LDAH: variants seen among roughly 807,000 people sequenced by gnomAD.
The protein encoded by LDAH is lipid droplet-associated hydrolase.
In LDAH, 26 loss-of-function variants were observed where a neutral mutation model predicts 29.6. The observed-to-expected ratio is 0.88, with a 90% CI of 0.64 to 1.22. The LOEUF (loss-of-function observed/expected upper bound fraction) is 1.22. Ranked by LOEUF, LDAH falls within the 50% of genes most tolerant of loss-of-function variation. The pLI is 0.00. For synonymous variants in LDAH, 117 were observed against 133.0 expected (o/e 0.88, Z 0.83); for missense variants, 344 against 387.3 (o/e 0.89, Z 0.94).
At position 20,773,647 on chromosome 2, in the gene LDAH, C is replaced by T. The variant is rs988274741; in HGVS notation, c.468+1163G>A. 2.6e-5 allele frequency among the ~76,000 whole-genome samples: 4 copies of T among 152,180 alleles called. No homozygotes were observed. The East Asian group carries it at 7.7e-4, about 29-fold the overall frequency. ...GAAATGAAAAACATATTTTCTTATA[C>T]CCAATAATAATTTAAAACCTCCATT... On this transcript the variant is annotated intron_variant, in intron 4 of 6. Transcript: ENST00000237822.
At chr2:20,687,826 G>A (rs1008288522) in intron 6 of LDAH, among the ~76,000 whole-genome samples, 3 of 152,154 alleles carry the variant, frequency 2.0e-5, no homozygotes, top group Non-Finnish European at 2.9e-5. Flanking sequence ...TTCTAGTTCT[G>A]TTAGTTCTAA....
At chr2:20,773,906 C>A (rs1171380884) in intron 4 of LDAH, among the ~76,000 whole-genome samples, 1 of 152,156 alleles carries the variant, frequency 6.6e-6, no homozygotes, top group East Asian at 1.9e-4. Context: ...TTTACCAGCA[C>A]TCCATGCTCC....
chr2:20,777,314 A>G (rs552856887), intron 3 of LDAH, among the ~76,000 whole-genome samples: 122 of 152,350 alleles, frequency 8.0e-4, no homozygotes, highest in African/African-American at 2.9e-3. Flanking sequence ...GTAGATTTTC[A>G]AGAACACAGT....
intron 5 of LDAH, among the ~76,000 whole-genome samples, chr2:20,731,289 T>C (rs1436812161): frequency 6.6e-6 from 1 of 152,208 alleles, no homozygotes; most frequent in Admixed American, 6.5e-5. Flanking sequence ...GGTGCTGTTA[T>C]AGAAATAATG....
intron 1 of LDAH, among the ~76,000 whole-genome samples, chr2:20,802,064 C>T (rs970285083): frequency 6.6e-6 from 1 of 150,986 alleles, no homozygotes. Flanking sequence ...TATACACACA[C>T]AATATACATG....
intron 5 of LDAH, among the ~76,000 whole-genome samples, chr2:20,716,673 C>T (rs1665217005): frequency 6.7e-6 from 1 of 148,206 alleles, no homozygotes; most frequent in East Asian, 2.0e-4. Context: ...ACATGTATAC[C>T]TATGTAACAA....
At chr2:20,706,105 C>T (rs1368882073) in intron 5 of LDAH, among the ~76,000 whole-genome samples, 1 of 152,054 alleles carries the variant, frequency 6.6e-6, no homozygotes, top group Admixed American at 6.5e-5. Context: ...CCTTACTGAG[C>T]AGTGAAGTTC....
Position 20,740,150 on chromosome 2 carries a change from T to C in LDAH, c.524A>G (p.Asn175Ser), listed in dbSNP as rs773676200. ...PTIERMSESP[N>S]GRIATPLLCW... ...CAAAAGTGGAGTGGCAATTCTGCCA[T>C]TGGGTGACTCAGACATTCGTTCAAT... The change falls in exon 5 of 7, where the codon AAT becomes AGT. Residue 175 changes from asparagine to serine, a missense_variant. By Grantham distance (46) the Asn-to-Ser change is conservative. Transcript: ENST00000237822. The C allele has an allele frequency of 1.9e-6, 3 of 1,613,964 alleles. No homozygotes were observed. Among genetic ancestry groups the C allele is most frequent in the East Asian group, 2.2e-5 (1 of 44,886 alleles).
At chr2:20,704,826 T>G (rs566869472) in intron 5 of LDAH, among the ~76,000 whole-genome samples, 1 of 152,382 alleles carries the variant, frequency 6.6e-6, no homozygotes, top group African/African-American at 2.4e-5. Flanking sequence ...ATGAAAATTC[T>G]TTCTTCAAAA....
At chr2:20,751,063 C>G (rs1365698005) in intron 4 of LDAH, among the ~76,000 whole-genome samples, 2 of 152,212 alleles carry the variant, frequency 1.3e-5, no homozygotes, top group Non-Finnish European at 2.9e-5. Context: ...ACCTGGGTCA[C>G]AGGATCTGTA....
chr2:20,754,728 A>T (rs1164812797), intron 4 of LDAH, among the ~76,000 whole-genome samples: 1 of 152,142 alleles, frequency 6.6e-6, no homozygotes, highest in Non-Finnish European at 1.5e-5. Flanking sequence ...AGGAAACATG[A>T]GACAAATACA....
intron 1 of LDAH, among the ~76,000 whole-genome samples, chr2:20,811,019 CTTTTT>C (rs1205753675): frequency 7.2e-6 from 1 of 138,892 alleles, no homozygotes. Flanking sequence ...ATTCGACCTT[CTTTTT>C]TTTTTTTTTT....
chr2:20,776,246 G>A, intron 3 of LDAH, among the ~76,000 whole-genome samples: 1 of 152,084 alleles, frequency 6.6e-6, no homozygotes, highest in African/African-American at 2.4e-5. Context: ...TTGTGTGTGT[G>A]TGTGCTCATC....
chr2:20,762,712 C>T (rs1668775547), intron 4 of LDAH, among the ~76,000 whole-genome samples: 1 of 152,180 alleles, frequency 6.6e-6, no homozygotes, highest in South Asian at 2.1e-4. Context: ...TGTTCACATC[C>T]TTTGCATCTT....
intron 5 of LDAH, among the ~76,000 whole-genome samples, chr2:20,725,874 G>C (rs1298833227): frequency 6.6e-6 from 1 of 152,178 alleles, no homozygotes; most frequent in Non-Finnish European, 1.5e-5. Flanking sequence ...ACCATGAGAT[G>C]ATGACCACAA....
intron 3 of LDAH, chr2:20,789,281 C>A: frequency 6.5e-7 from 1 of 1,550,288 alleles, no homozygotes; most frequent in Non-Finnish European, 8.7e-7. Flanking sequence ...GTAGAGCCCG[C>A]GAGAGTCCCA....
chr2:20,697,720 C>G (rs981218651), intron 6 of LDAH, among the ~76,000 whole-genome samples: 7 of 152,168 alleles, frequency 4.6e-5, no homozygotes, highest in Non-Finnish European at 8.8e-5. Flanking sequence ...TAACGCAGGG[C>G]TTCTTTGCTT....
chr2:20,789,420 T>C, intron 3 of LDAH: 2 of 1,445,508 alleles, frequency 1.4e-6, no homozygotes, highest in Non-Finnish European at 1.8e-6. Flanking sequence ...CTCAAGAAAC[T>C]ATGAGAAATC....
intron 2 of LDAH, among the ~76,000 whole-genome samples, chr2:20,795,658 A>G (rs1417132006): frequency 2.0e-5 from 3 of 152,194 alleles, no homozygotes; most frequent in Admixed American, 2.0e-4. Context: ...AAAGGAACAC[A>G]GTAAAAATTC....
Sources: allele counts gnomAD v4.1 joint callset (sites outside exome capture counted in the v4.1 genomes callset), GRCh38; gene constraint gnomAD v4.1.1; transcripts MANE v1.5; gene names NCBI Gene and HGNC (gene_info 2026-07-23, HGNC 2026-07-21).